RAD50: variants seen among roughly 807,000 people sequenced by gnomAD.
RAD50 encodes DNA repair protein RAD50.
Under a neutral mutation model 168.8 loss-of-function variants are expected in RAD50, and 132 were observed. The ratio of observed to expected loss-of-function variants is 0.78; its 90% CI spans 0.68 to 0.90. The LOEUF is 0.90. Among genes scored for constraint, RAD50 ranks in the 40% least tolerant of loss-of-function variants. The pLI, the probability that RAD50 is intolerant of heterozygous loss-of-function variation, is 0.00. For missense variants in RAD50, 1,347 were observed against 1,534.4 expected, an observed-to-expected ratio of 0.88 and a Z score of 2.04; for synonymous variants, 525 against 497.4, an observed-to-expected ratio of 1.06 and a Z score of -0.74.
At position 132,575,950 on chromosome 5, in the gene RAD50, G is replaced by A. The variant is rs997754149; in HGVS notation, c.365+22G>A. 7 of 1,578,118 alleles carry A rather than the reference G, an allele frequency of 4.4e-6. 1 individual carries two copies. The highest frequency in any genetic ancestry group is 3.4e-5 in the South Asian group (3 of 87,646). ...CAAAGTAGGTGTTTATATGATATTT[G>A]AATTTCTGTTCATTTTCAGTCTTTT... On this transcript the variant is annotated intron_variant, in intron 3 of 24. Transcript: ENST00000378823.
At chr5:132,634,018 A>G (rs1011270203) in intron 21 of RAD50, among the ~76,000 whole-genome samples, 4 of 151,990 alleles carry the variant, frequency 2.6e-5, no homozygotes, top group Non-Finnish European at 4.4e-5. Flanking sequence ...TCCTTTGTAT[A>G]CCAACTTTTA....
chr5:132,557,374 T>C lies in RAD50; in HGVS notation c.50T>C (p.Ile17Thr), dbSNP rs942335090. ...ATTCTGGGCGTGCGGAGTTTTGGAA[T>C]AGAGGACAAAGATAAGCAAATTATC... ...MSILGVRSFG[I>T]EDKDKQIITF... Residue 17 changes from isoleucine (I) to threonine (T), a missense_variant, in exon 1 of 25, where the codon ATA becomes ACA. Ile to Thr is a moderately conservative substitution (Grantham distance 89). Transcript: ENST00000378823. 1 of 1,614,126 alleles carries C rather than the reference T, an allele frequency of 6.2e-7. No homozygotes were observed. Among genetic ancestry groups the C allele is most frequent in the Non-Finnish European group, 8.5e-7 (1 of 1,179,918 alleles).
Position 132,587,980 on chromosome 5 carries a change from A to G in RAD50, c.942A>G (p.Thr314=). ...ACTTATATCACAATCACCAGAGAACAGTAAGGGAGAAAGAAAGGAAATTGG... is the reference window on the plus strand; with the variant it reads ...ACTTATATCACAATCACCAGAGAACGGTAAGGGAGAAAGAAAGGAAATTGG... The part of the protein sequence containing the change: ...LNDLYHNHQR[T]VREKERKLVD... The change falls in exon 7 of 25, where the codon ACA becomes ACG. Residue 314 remains threonine (T), a synonymous_variant. Transcript: ENST00000378823. 4 of 1,612,702 alleles carry G rather than the reference A, an allele frequency of 2.5e-6. No individual in the cohort carries two copies. The highest frequency in any genetic ancestry group is 3.4e-6 in the Non-Finnish European group (4 of 1,178,848).
rs575843992 is a variant in RAD50, at chr5:132,644,527, T to C, written c.*2163T>C. On this transcript the variant is annotated 3_prime_UTR_variant, in exon 25 of 25. Coordinates refer to ENST00000378823, the MANE Select transcript of RAD50 (RefSeq NM_005732.4). Reference sequence around the variant, plus strand: ...TGGTACATATTTTGTAGGGTTGTTATGAAGATTGAATGACATTATTTACAA... The same window carrying C: ...TGGTACATATTTTGTAGGGTTGTTACGAAGATTGAATGACATTATTTACAA... The C allele has an allele frequency of 1.2e-4, 21 of 181,468 alleles. No individual in the cohort carries two copies. Among genetic ancestry groups the C allele is most frequent in the Non-Finnish European group, 2.1e-4 (18 of 85,096 alleles). 11.2% of individuals were successfully genotyped at this position (181,468 alleles called of 1,614,324 possible). A position where few individuals can be genotyped will look rare whatever the true frequency, so the allele number is the denominator to read the frequency against.
At chr5:132,588,231 A>AT in intron 7 of RAD50, 142 bp downstream of exon 7, 2 of 1,022,220 alleles carry the variant, frequency 2.0e-6, no homozygotes, top group South Asian at 3.2e-5. Flanking sequence ...TTTATATAAC[A>AT]TTTTTATAAT....
At chr5:132,561,523 A>G (rs1344370440) in intron 2 of RAD50, among the ~76,000 whole-genome samples, 2 of 152,120 alleles carry the variant, frequency 1.3e-5, no homozygotes, top group Admixed American at 6.5e-5. Flanking sequence ...GTGTGACACA[A>G]GAGTTGGCCA....
At chr5:132,624,146 C>T (rs1386433516) in intron 21 of RAD50, among the ~76,000 whole-genome samples, 7 of 152,010 alleles carry the variant, frequency 4.6e-5, no homozygotes, top group African/African-American at 1.2e-4. Flanking sequence ...TGAGTGGGTA[C>T]GTTAACATTA....
At position 132,609,339 on chromosome 5, in the gene RAD50, CAA is replaced by C. The variant is rs1561647559; in HGVS notation, c.2981_2982del (p.Lys994ArgfsTer5). On this transcript the variant is annotated frameshift_variant, in exon 19 of 25. Coordinates refer to ENST00000378823, the MANE Select transcript of RAD50 (RefSeq NM_005732.4). LOFTEE classifies it high-confidence loss of function. ...CTCAACTAAGTGAATGCGAGAAACA[CAA>C]AGAAAAGATAAATGAAGATATGAGA... ...IAQLSECEKH[K>X]EKINEDMRLM... The C allele has an allele frequency of 6.2e-7, 1 of 1,613,576 alleles. No homozygotes were observed.
intron 3 of RAD50, among the ~76,000 whole-genome samples, chr5:132,577,864 G>C (rs912216707): frequency 2.8e-5 from 4 of 142,586 alleles, no homozygotes; most frequent in African/African-American, 1.1e-4. Context: ...ACCCAGGCTG[G>C]AGTGCAGTGG....
chr5:132,637,243 C>A (rs1179347186), intron 22 of RAD50, 43 bp downstream of exon 22: 1 of 1,587,276 alleles, frequency 6.3e-7, no homozygotes. Context: ...CCAAAGCCCT[C>A]TCCGCAGCTC....
At position 132,642,204 on chromosome 5, in the gene RAD50, G is replaced by A. The variant is rs367683141; in HGVS notation, c.3779G>A (p.Arg1260His). ...VEIIKSRSQQ[R>H]NFQLLVITHD... ...ATAATAAAAAGTCGCTCACAGCAGC[G>A]TAACTTCCAGCTTCTGGTAATCACT... Residue 1260 changes from arginine (R) to histidine (H), a missense_variant, in exon 25 of 25, where the codon CGT (arginine) becomes CAT (histidine). Arg to His is a conservative substitution (Grantham distance 29). Around this residue, in one of 3 missense-constraint regions of RAD50, gnomAD observed 635 missense variants for 739.2 expected, o/e 0.86. Coordinates refer to ENST00000378823, the MANE Select transcript of RAD50 (RefSeq NM_005732.4). 3.7e-5 allele frequency: 60 copies of A among 1,614,142 alleles called. No individual in the cohort carries two copies. In the Middle Eastern group the frequency reaches 8.2e-4, roughly 22 times the overall value.
intron 24 of RAD50, among the ~76,000 whole-genome samples, chr5:132,641,368 T>C (rs1413246064): frequency 6.6e-6 from 1 of 152,182 alleles, no homozygotes; most frequent in Non-Finnish European, 1.5e-5. Flanking sequence ...ATAAGGACTA[T>C]GCTGGCAGAG....
At chr5:132,637,978 A>G (rs574768030) in intron 22 of RAD50, 103 bp from the exon 23 acceptor site, 2 of 1,273,988 alleles carry the variant, frequency 1.6e-6, no homozygotes, top group African/African-American at 1.5e-5. Context: ...TCCTCTGGTA[A>G]TGTCAGCCTC....
chr5:132,615,795 G>T (rs1751164105), intron 19 of RAD50, among the ~76,000 whole-genome samples: 1 of 152,134 alleles, frequency 6.6e-6, no homozygotes, highest in Admixed American at 6.5e-5. Context: ...GCTACAGGAG[G>T]TATTACACTT....
At chr5:132,560,322 T>C (rs1316450699) in intron 2 of RAD50, among the ~76,000 whole-genome samples, 1 of 152,222 alleles carries the variant, frequency 6.6e-6, no homozygotes, top group African/African-American at 2.4e-5. Flanking sequence ...TCCTGTAGTT[T>C]ATTAAATGAC....
chr5:132,596,661 G>T (rs1750797002), intron 13 of RAD50, among the ~76,000 whole-genome samples: 1 of 152,170 alleles, frequency 6.6e-6, no homozygotes. Context: ...AGAGAACAAG[G>T]CTAGTGCCAG....
chr5:132,584,791 T>C (rs1011996261), intron 5 of RAD50, among the ~76,000 whole-genome samples: 5 of 152,100 alleles, frequency 3.3e-5, no homozygotes, highest in African/African-American at 1.2e-4. Context: ...TCATGTCCTT[T>C]GTAGGGACAT....
At chr5:132,589,424 A>G (rs939429688) in intron 8 of RAD50, among the ~76,000 whole-genome samples, 3 of 152,226 alleles carry the variant, frequency 2.0e-5, no homozygotes, top group African/African-American at 7.2e-5. Flanking sequence ...GTATTAAACT[A>G]TACCATGTAG....
intron 19 of RAD50, among the ~76,000 whole-genome samples, chr5:132,611,623 G>C (rs988562468): frequency 7.3e-6 from 1 of 136,538 alleles, no homozygotes; most frequent in African/African-American, 2.8e-5. Context: ...GGAGAATGGC[G>C]TGAACCTGGG....
Sources: gnomAD v4.1 joint callset for allele counts (sites outside exome capture counted in the v4.1 genomes callset) on GRCh38, gnomAD v4.1.1 for gene constraint, gnomAD v4.1.1 regional missense constraint, MANE v1.5 for transcripts, NCBI Gene and HGNC (gene_info 2026-07-23, HGNC 2026-07-21) for gene names.